FANCC: variants seen among roughly 807,000 people sequenced by gnomAD.
FANCC encodes FA complementation group C, also known as Fanconi anemia group C protein.
Under a neutral mutation model 71.3 loss-of-function variants are expected in FANCC, and 55 were observed. The ratio of observed to expected loss-of-function variants is 0.77; its 90% CI spans 0.62 to 0.97. The LOEUF (loss-of-function observed/expected upper bound fraction) is 0.97, where lower values mean the gene tolerates loss of function less well. Ranked by LOEUF, FANCC falls within the 50% of genes least tolerant of loss-of-function variation. FANCC has a pLI of 0.00. For missense variants in FANCC, 678 were observed against 670.9 expected, an observed-to-expected ratio of 1.01 and a Z score of -0.12; for synonymous variants, 275 against 244.9, an observed-to-expected ratio of 1.12 and a Z score of -1.15.
At position 95,135,425 on chromosome 9, in the gene FANCC, A is replaced by G. The variant is rs767634640; in HGVS notation, c.764T>C (p.Leu255Pro). ...RHLPSLEKAM[L>P]HLFEKLISSE... ...GGAGATTAGCTTTTCAAAAAGATGC[A>G]GCATTGCTTTTTCAAGGCTGGGAAG... The change falls in exon 8 of 15, where the codon CTG (leucine) becomes CCG (proline). Residue 255 changes from leucine (L) to proline (P), a missense_variant. Physicochemically the swap from Leu to Pro is moderately conservative, Grantham distance 98 (BLOSUM62 -3). Transcript: ENST00000289081. The G allele has an allele frequency of 6.2e-7, 1 of 1,613,982 alleles. No homozygotes were observed. The highest frequency in any genetic ancestry group is 1.1e-5 in the South Asian group (1 of 91,076).
At chr9:95,287,478 C>A (rs944350208) in intron 1 of FANCC, among the ~76,000 whole-genome samples, 9 of 152,202 alleles carry the variant, frequency 5.9e-5, no homozygotes, top group African/African-American at 2.2e-4. Flanking sequence ...GTGGATCCTT[C>A]CAGCTGTCAG....
intron 6 of FANCC, 72 bp from the exon 7 acceptor site, chr9:95,150,159 A>G (rs1830092482): frequency 6.4e-7 from 1 of 1,552,906 alleles, no homozygotes; most frequent in Non-Finnish European, 8.8e-7. Flanking sequence ...AAAAACCTTC[A>G]TGCTAAAAAG....
At chr9:95,293,039 A>G (rs1564834859) in intron 1 of FANCC, 54 of 1,596,000 alleles carry the variant, frequency 3.4e-5, no homozygotes, top group Non-Finnish European at 4.2e-5. Flanking sequence ...ACTGTGCAAA[A>G]CCAGAAGTTA....
At chr9:95,244,824 C>G (rs1055488320) in intron 3 of FANCC, among the ~76,000 whole-genome samples, 1 of 150,042 alleles carries the variant, frequency 6.7e-6, no homozygotes, top group African/African-American at 2.5e-5. Flanking sequence ...CCAATAGGGA[C>G]AGAACATTAC....
In FANCC at chr9:95,126,638, T is replaced by C. The variant is rs1325457655; in HGVS notation, c.844-57A>G. On this transcript the variant is annotated intron_variant, in intron 8 of 14. Transcript: ENST00000289081. ...ATATCACAAGCACTTTCTCAGAAAC[T>C]TGCTATTATCAGCCAAAGGAGTTAC... 61 of 1,572,740 alleles carry C rather than the reference T, an allele frequency of 3.9e-5. No homozygotes were observed. In the East Asian group the frequency reaches 1.3e-3, roughly 35 times the overall value.
intron 1 of FANCC, among the ~76,000 whole-genome samples, chr9:95,255,402 T>C (rs1460167457): frequency 6.6e-6 from 1 of 152,132 alleles, no homozygotes; most frequent in Non-Finnish European, 1.5e-5. Flanking sequence ...CCACTGGTGA[T>C]ACCCAGGCAA....
intron 1 of FANCC, among the ~76,000 whole-genome samples, chr9:95,287,171 G>A (rs1463620426): frequency 2.6e-5 from 4 of 151,986 alleles, no homozygotes; most frequent in Admixed American, 6.6e-5. Context: ...TCTTGCCCAA[G>A]GTTACATATC....
chr9:95,298,936 CA>C (rs748818252), intron 1 of FANCC, among the ~76,000 whole-genome samples: 4 of 152,206 alleles, frequency 2.6e-5, no homozygotes, highest in Non-Finnish European at 5.9e-5. Flanking sequence ...GACAGAATTT[CA>C]AAGTGCTATA....
intron 11 of FANCC, among the ~76,000 whole-genome samples, chr9:95,116,692 T>A (rs2072450012): frequency 6.6e-6 from 1 of 152,142 alleles, no homozygotes. Context: ...TTCCGAAATG[T>A]CTCCTAAGCG....
At chr9:95,134,275 C>A (rs1296471315) in intron 8 of FANCC, among the ~76,000 whole-genome samples, 1 of 152,152 alleles carries the variant, frequency 6.6e-6, no homozygotes, top group African/African-American at 2.4e-5. Context: ...AAAGAAAGAA[C>A]ACAGAAGTCC....
intron 4 of FANCC, among the ~76,000 whole-genome samples, chr9:95,235,061 A>G (rs559206050): frequency 1.2e-3 from 189 of 152,330 alleles, no homozygotes; most frequent in African/African-American, 4.3e-3. Context: ...ACACAGAATA[A>G]TGTTACCAGG....
intron 1 of FANCC, among the ~76,000 whole-genome samples, chr9:95,271,403 G>C (rs1318946106): frequency 6.6e-6 from 1 of 152,200 alleles, no homozygotes; most frequent in Non-Finnish European, 1.5e-5. Context: ...CCTTATGACA[G>C]AGGCAGAGCA....
intron 12 of FANCC, 95 bp downstream of exon 12, chr9:95,114,534 T>A (rs2072232501): frequency 9.0e-7 from 1 of 1,105,642 alleles, no homozygotes; most frequent in Non-Finnish European, 1.4e-6. Context: ...CCCAGACCAG[T>A]AATGCCTTCC....
chr9:95,118,448 G>A (rs553861935), intron 10 of FANCC, among the ~76,000 whole-genome samples: 1 of 152,320 alleles, frequency 6.6e-6, no homozygotes, highest in East Asian at 1.9e-4. Context: ...AATCTATAAC[G>A]CATGGAGTGC....
intron 1 of FANCC, among the ~76,000 whole-genome samples, chr9:95,260,486 C>T (rs528095167): frequency 9.9e-5 from 15 of 152,166 alleles, no homozygotes; most frequent in Admixed American, 3.9e-4. Context: ...GGGAGTCGAA[C>T]AATGCGAACA....
intron 4 of FANCC, among the ~76,000 whole-genome samples, chr9:95,222,146 G>A (rs1261127988): frequency 8.4e-6 from 1 of 118,546 alleles, no homozygotes; most frequent in South Asian, 2.7e-4. Flanking sequence ...CTGAGCAGCA[G>A]AGCAAGGCCC....
intron 4 of FANCC, among the ~76,000 whole-genome samples, chr9:95,208,379 G>A (rs1040104840): frequency 6.6e-6 from 1 of 152,022 alleles, no homozygotes; most frequent in Non-Finnish European, 1.5e-5. Context: ...TTACAGGCAT[G>A]AGCCACTGCG....
intron 10 of FANCC, among the ~76,000 whole-genome samples, chr9:95,122,269 G>C (rs374491468): frequency 6.6e-6 from 1 of 152,250 alleles, no homozygotes; most frequent in East Asian, 1.9e-4. Flanking sequence ...ATTTTATTAA[G>C]AAGGAATTAA....
chr9:95,144,406 T>C (rs1011055867), intron 7 of FANCC, among the ~76,000 whole-genome samples: 5 of 152,204 alleles, frequency 3.3e-5, no homozygotes, highest in Non-Finnish European at 7.3e-5. Context: ...GAGAACATGC[T>C]ATCACAAGCA....
Sources: gnomAD v4.1 joint callset for allele counts (sites outside exome capture counted in the v4.1 genomes callset) on GRCh38, gnomAD v4.1.1 for gene constraint, MANE v1.5 for transcripts, NCBI Gene and HGNC (gene_info 2026-07-23, HGNC 2026-07-21) for gene names.